MFN1: variants seen among roughly 807,000 people sequenced by gnomAD.
MFN1 encodes mitofusin-1.
A neutral mutation model predicts 92.4 loss-of-function variants in MFN1; 65 were observed. The ratio of observed to expected loss-of-function variants is 0.70; its 90% confidence interval spans 0.58 to 0.86. MFN1 has a LOEUF of 0.86. MFN1 is among the 40% of genes least tolerant of loss of function. MFN1 has a pLI of 0.00. For synonymous variants in MFN1, 297 were observed against 300.9 expected (o/e 0.99, Z 0.13); for missense variants, 781 against 868.0 (o/e 0.90, Z 1.26).
intron 16 of MFN1, among the ~76,000 whole-genome samples, chr3:179,389,427 C>G (rs1713816724): frequency 6.6e-6 from 1 of 152,008 alleles, no homozygotes; most frequent in Non-Finnish European, 1.5e-5. Context: ...TGGAGGCAAC[C>G]TCAAATAATT....
chr3:179,349,126 T>C (rs1712038132), intron 2 of MFN1, among the ~76,000 whole-genome samples, 163 bp downstream of exon 2: 1 of 152,188 alleles, frequency 6.6e-6, no homozygotes, highest in South Asian at 2.1e-4. Context: ...AAGGGGAAAA[T>C]TAAATGGTAT....
rs571521601 is a variant in MFN1 at position 179,389,919 on chromosome 3, G to T, written c.2013-85G>T. Reference sequence around the variant, plus strand: ...ATAGTTTAGAAGTTTTTTAAAACTTGTGTTCTTCTTTTTATGTGAGCTTTA... The same window carrying T: ...ATAGTTTAGAAGTTTTTTAAAACTTTTGTTCTTCTTTTTATGTGAGCTTTA... On this transcript the variant is annotated intron_variant, in intron 16 of 17. Transcript: ENST00000471841. 155 of 1,301,694 alleles carry T rather than the reference G, an allele frequency of 1.2e-4. No homozygotes were observed. The East Asian group carries it at 1.8e-3, about 15-fold the overall frequency. The allele number at this position is 1,301,694 out of a possible 1,614,324, so 80.6% of individuals were successfully genotyped here.
rs1028608811 is a variant in MFN1, at chr3:179,392,947, T to C, written c.*888T>C. On this transcript the variant is annotated 3_prime_UTR_variant, in exon 18 of 18. Coordinates refer to ENST00000471841, the MANE Select transcript of MFN1 (RefSeq NM_033540.3). ...TCCAGGATTTCATTAAAAATTATTATTGTATTTTTTACCTTAATGAAAGAT... is the reference window on the plus strand; with the variant it reads ...TCCAGGATTTCATTAAAAATTATTACTGTATTTTTTACCTTAATGAAAGAT... 5 of 152,220 alleles carry C rather than the reference T, an allele frequency of 3.3e-5. No individual in the cohort carries two copies. Among genetic ancestry groups the C allele is most frequent in the African/African-American group, 1.2e-4 (5 of 41,464 alleles). The allele number at this position is 152,220 out of a possible 1,614,324, so 9.4% of individuals were successfully genotyped here.
At position 179,378,638 on chromosome 3, in the gene MFN1, A is replaced by G; in HGVS notation, c.1486A>G (p.Ile496Val). The change falls in exon 14 of 18, where the codon ATC becomes GTC. Residue 496 changes from isoleucine to valine, a missense_variant. By Grantham distance (29) the Ile-to-Val change is conservative (BLOSUM62 3). Coordinates refer to ENST00000471841, the MANE Select transcript of MFN1 (RefSeq NM_033540.3). ...TATACAGGATAAACTACATACACTG[A>G]TCCCTTGCAAGAAATTTGATCTCAG... is the stretch of plus-strand genomic sequence containing the variant. ...AGIQDKLHTL[I>V]PCKKFDLSYN... The G allele has an allele frequency of 6.2e-7, 1 of 1,613,784 alleles. No individual in the cohort carries two copies. The highest frequency in any genetic ancestry group is 8.5e-7 in the Non-Finnish European group (1 of 1,179,854).
chr3:179,385,782 TCA>T, intron 15 of MFN1, 61 bp downstream of exon 15: 1 of 1,497,558 alleles, frequency 6.7e-7, no homozygotes. Context: ...GCCTGTTAGC[TCA>T]CAAAAGAAAA....
At chr3:179,383,222 A>G (rs1279270338) in intron 14 of MFN1, among the ~76,000 whole-genome samples, 5 of 152,178 alleles carry the variant, frequency 3.3e-5, no homozygotes, top group Non-Finnish European at 5.9e-5. Flanking sequence ...TAAGTCTTTA[A>G]TGCATCTTGA....
intron 14 of MFN1, among the ~76,000 whole-genome samples, chr3:179,380,668 C>T (rs1042205287): frequency 2.6e-5 from 4 of 152,162 alleles, no homozygotes; most frequent in South Asian, 2.1e-4. Context: ...GGGTATTCTA[C>T]GATCAATGAA....
rs1158529418 is a variant in MFN1 at position 179,370,791 on chromosome 3, T to C, written c.975+2688T>C. Among the ~76,000 whole-genome samples, 6 of 152,348 alleles carry C rather than the reference T, an allele frequency of 3.9e-5. No homozygotes were observed. The East Asian group carries it at 1.2e-3, about 29-fold the overall frequency. ...AAAGAAAAGATTCAGGATTGTGAAT[T>C]TGTGACTGCAGCTTTAGGCGTATCC... On this transcript the variant is annotated intron_variant, in intron 9 of 17. Transcript: ENST00000471841.
chr3:179,386,931 T>C (rs148918363), intron 16 of MFN1, among the ~76,000 whole-genome samples: 173 of 152,184 alleles, frequency 1.1e-3, no homozygotes, highest in Middle Eastern at 3.4e-3. Flanking sequence ...TTTTTTTTCT[T>C]TTTTTTCAGA....
intron 9 of MFN1, among the ~76,000 whole-genome samples, chr3:179,372,838 T>C (rs1023222153): frequency 6.6e-6 from 1 of 152,206 alleles, no homozygotes; most frequent in Non-Finnish European, 1.5e-5. Context: ...TTTTTGTTTT[T>C]ATAATTTTGC....
chr3:179,370,392 CTTTTT>C (rs34938438), intron 9 of MFN1, among the ~76,000 whole-genome samples: 5 of 88,068 alleles, frequency 5.7e-5, no homozygotes, highest in South Asian at 9.2e-4. Flanking sequence ...TCACTAAGTT[CTTTTT>C]TTTTTTTTTT....
chr3:179,389,283 CAAAGTT>C (rs1053669153), intron 16 of MFN1, among the ~76,000 whole-genome samples: 4 of 151,996 alleles, frequency 2.6e-5, no homozygotes, highest in South Asian at 2.1e-4. Context: ...TAAATAAAAA[CAAAGTT>C]AATGTAGCTT....
At chr3:179,381,295 C>T (rs1484243159) in intron 14 of MFN1, among the ~76,000 whole-genome samples, 1 of 152,186 alleles carries the variant, frequency 6.6e-6, no homozygotes, top group Non-Finnish European at 1.5e-5. Flanking sequence ...TTTTAAAAGG[C>T]CATTCAGCAC....
chr3:179,360,711 T>A (rs1360484967), intron 4 of MFN1, among the ~76,000 whole-genome samples: 3 of 152,006 alleles, frequency 2.0e-5, no homozygotes, highest in Non-Finnish European at 4.4e-5. Flanking sequence ...TGATCCATGC[T>A]ATTTTATTTC....
rs577313962 is a variant in MFN1, at chr3:179,373,483, G to A, written c.976-1737G>A. ...GTATTAGCTAAATATATAGAGGTTC[G>A]AGAAGATGAATTCATTGGAGTATCA... On this transcript the variant is annotated intron_variant, in intron 9 of 17. Coordinates refer to ENST00000471841, the MANE Select transcript of MFN1 (RefSeq NM_033540.3). 7.0e-4 allele frequency among the ~76,000 whole-genome samples: 107 copies of A among 152,090 alleles called. 2 individuals carry two copies. In the South Asian group the frequency reaches 0.011, roughly 16 times the overall value.
intron 14 of MFN1, among the ~76,000 whole-genome samples, chr3:179,380,249 A>G (rs1417074375): frequency 2.0e-5 from 3 of 152,184 alleles, no homozygotes; most frequent in African/African-American, 7.2e-5. Context: ...TGCTGATGAA[A>G]CATCACTGTT....
chr3:179,347,865 C>G (rs1711974593), intron 1 of MFN1, 55 bp downstream of exon 1: 1 of 152,030 alleles, frequency 6.6e-6, no homozygotes, highest in Admixed American at 6.5e-5. Flanking sequence ...GACCTTCGAG[C>G]GACTGGGGAC....
intron 16 of MFN1, among the ~76,000 whole-genome samples, chr3:179,388,293 AATGGTAGGTAGACTCCTGATTTC>A (rs1186366963): frequency 6.6e-6 from 1 of 152,224 alleles, no homozygotes; most frequent in Non-Finnish European, 1.5e-5. Context: ...AAATGAACTT[AATGGTAGGTAGACTCCTGATTTC>A]ATGGTGAATG....
rs1712728992 is a variant in MFN1 at position 179,364,993 on chromosome 3, T to G, written c.646-125T>G. On this transcript the variant is annotated intron_variant, in intron 6 of 17. Transcript: ENST00000471841. ...TGAAAGTTTAATGCTCATAGAGTGC[T>G]TTGGGATCCTTTGTCAGTGGTGTTA... 4 of 492,142 alleles carry G rather than the reference T, an allele frequency of 8.1e-6. No homozygotes were observed. The South Asian group carries it at 1.9e-4, about 23-fold the overall frequency. 30.5% of individuals were successfully genotyped at this position (492,142 alleles called of 1,614,324 possible). A position where few individuals can be genotyped will look rare whatever the true frequency, so the allele number is the denominator to read the frequency against.
Sources: allele counts gnomAD v4.1 joint callset (sites outside exome capture counted in the v4.1 genomes callset), GRCh38; gene constraint gnomAD v4.1.1; transcripts MANE v1.5; gene names NCBI Gene and HGNC (gene_info 2026-07-23, HGNC 2026-07-21).